Variants in GLI2 observed in about 807,000 individuals in gnomAD.
GLI2 encodes the protein transcription activator GLI2.
A neutral mutation model predicts 78.9 loss-of-function variants in GLI2; 22 were observed. The ratio of observed to expected loss-of-function variants is 0.28; its 90% CI spans 0.20 to 0.40. The LOEUF is 0.40. Among genes scored for constraint, GLI2 ranks in the 10% least tolerant of loss-of-function variants. GLI2 has a pLI of 1.00. For synonymous variants in GLI2, 974 were observed against 963.7 expected, an observed-to-expected ratio of 1.01 and a Z score of -0.20; for missense variants, 2,097 against 2,213.2, an observed-to-expected ratio of 0.95 and a Z score of 1.05.
At chr2:120,867,691 G>A (rs996826933) in intron 2 of GLI2, among the ~76,000 whole-genome samples, 8 of 152,258 alleles carry the variant, frequency 5.3e-5, no homozygotes, top group African/African-American at 1.2e-4. Context: ...CTGGCCTGCA[G>A]CGCCCTTCTC....
chr2:120,830,646 A>G (rs974000990), intron 2 of GLI2, among the ~76,000 whole-genome samples: 1 of 152,152 alleles, frequency 6.6e-6, no homozygotes, highest in Non-Finnish European at 1.5e-5. Flanking sequence ...CCAGCAGGGC[A>G]GGGGAGGGCA....
chr2:120,989,649 C>A lies in GLI2; in HGVS notation c.3684C>A (p.Ala1228=). 1 of 1,613,426 alleles carries A rather than the reference C, an allele frequency of 6.2e-7. No individual in the cohort carries two copies. Residue 1228 remains alanine, a synonymous_variant, in exon 14 of 14, where the codon GCC becomes GCA. Transcript: ENST00000361492. The part of the protein sequence containing the change: ...PGMTTTMSPH[A]CYGQVHPQLS... ...TGACTACCACTATGAGCCCCCATGCCTGCTATGGCCAAGTCCACCCCCAGC... is the reference window on the plus strand; with the variant it reads ...TGACTACCACTATGAGCCCCCATGCATGCTATGGCCAAGTCCACCCCCAGC...
chr2:120,815,665 G>C (rs1223026259), intron 2 of GLI2, among the ~76,000 whole-genome samples: 1 of 152,218 alleles, frequency 6.6e-6, no homozygotes, highest in Non-Finnish European at 1.5e-5. Context: ...ACCCCTGGGA[G>C]GGCTACCCAA....
At chr2:120,916,221 T>C (rs916029746) in intron 2 of GLI2, among the ~76,000 whole-genome samples, 1 of 152,194 alleles carries the variant, frequency 6.6e-6, no homozygotes, top group Admixed American at 6.5e-5. Flanking sequence ...ATCATGTACC[T>C]CTTACTATGT....
At position 120,737,995 on chromosome 2, in the gene GLI2, T is replaced by C. The variant is rs1682420243; in HGVS notation, c.-31+1710T>C. Among the ~76,000 whole-genome samples the C allele has an allele frequency of 6.6e-6, 1 of 152,168 alleles. No individual in the cohort carries two copies. Among genetic ancestry groups the C allele is most frequent in the Admixed American group, 6.5e-5 (1 of 15,278 alleles). On this transcript the variant is annotated intron_variant, in intron 1 of 13. Transcript: ENST00000361492. This position sits in a 1 kb window ranked among gnomAD's most constrained non-coding sequence, Gnocchi z 4.3. ...GCCCATTTCCTTACCTTGCTGGGAG[T>C]TCCCTTGGCTGGGTTTCCCTGTGTC... is the stretch of plus-strand genomic sequence containing the variant.
At chr2:120,950,242 C>T (rs781346940) in intron 3 of GLI2, among the ~76,000 whole-genome samples, 1 of 152,242 alleles carries the variant, frequency 6.6e-6, no homozygotes, top group Non-Finnish European at 1.5e-5. Context: ...CTGATTCTAA[C>T]ACACTCTCTT....
At chr2:120,873,681 A>G (rs1462555768) in intron 2 of GLI2, among the ~76,000 whole-genome samples, 1 of 152,190 alleles carries the variant, frequency 6.6e-6, no homozygotes, top group Non-Finnish European at 1.5e-5. Flanking sequence ...TTGAATGCCT[A>G]CAGAATGTTT....
chr2:120,810,366 G>A (rs1685179598), intron 2 of GLI2, among the ~76,000 whole-genome samples: 1 of 152,244 alleles, frequency 6.6e-6, no homozygotes, highest in Non-Finnish European at 1.5e-5. Context: ...CCTCGGAAGT[G>A]GCAGCGTTCA....
At position 120,848,574 on chromosome 2, in the gene GLI2, G is replaced by C. The variant is rs575986029; in HGVS notation, c.148+51106G>C. On this transcript the variant is annotated intron_variant, in intron 2 of 13. Coordinates refer to ENST00000361492, the MANE Select transcript of GLI2 (RefSeq NM_001374353.1). ...TTGGCAACTTTTGCAGAAGGCGCTG[G>C]CAGGAAGGAGACCCTGGGGAGGGAA... is the stretch of plus-strand genomic sequence containing the variant. 3.3e-5 allele frequency among the ~76,000 whole-genome samples: 5 copies of C among 152,326 alleles called. No homozygotes were observed. The South Asian group carries it at 8.3e-4, about 25-fold the overall frequency.
intron 3 of GLI2, among the ~76,000 whole-genome samples, chr2:120,934,094 G>A (rs1011134078): frequency 4.6e-5 from 7 of 152,150 alleles, no homozygotes; most frequent in South Asian, 2.1e-4. Context: ...ATTTACAGGC[G>A]CCCATAGGCC....
At chr2:120,898,759 G>C (rs1030495002) in intron 2 of GLI2, among the ~76,000 whole-genome samples, 1 of 152,100 alleles carries the variant, frequency 6.6e-6, no homozygotes, top group African/African-American at 2.4e-5. Flanking sequence ...TTCTCAGATA[G>C]AGAAAATAGA....
intron 1 of GLI2, among the ~76,000 whole-genome samples, chr2:120,773,405 C>T (rs1035441424): frequency 6.6e-6 from 1 of 152,122 alleles, no homozygotes; most frequent in East Asian, 1.9e-4. Flanking sequence ...GGCATCCTGT[C>T]ACCCGCGGTG....
chr2:120,750,583 T>A (rs1682835383), intron 1 of GLI2, among the ~76,000 whole-genome samples: 1 of 152,188 alleles, frequency 6.6e-6, no homozygotes, highest in Non-Finnish European at 1.5e-5. Context: ...TACATCTTGG[T>A]TGTTATTATT....
chr2:120,806,445 G>A (rs997545377), intron 2 of GLI2, among the ~76,000 whole-genome samples: 2 of 152,134 alleles, frequency 1.3e-5, no homozygotes, highest in African/African-American at 2.4e-5. Flanking sequence ...AGGGCTTCAC[G>A]GGGGAGGCAG....
chr2:120,780,258 A>G (rs1399261226), intron 1 of GLI2, among the ~76,000 whole-genome samples: 1 of 152,196 alleles, frequency 6.6e-6, no homozygotes, highest in East Asian at 1.9e-4. Context: ...CCAGATGAGC[A>G]GATGTCTTGA....
In GLI2 at chr2:120,927,563, T is replaced by C; in HGVS notation, c.254+97T>C. The C allele has an allele frequency of 1.3e-5, 11 of 827,330 alleles. 1 individual carries two copies. The highest frequency in any genetic ancestry group is 9.3e-5 in the South Asian group (7 of 75,234). 51.2% of individuals were successfully genotyped at this position (827,330 alleles called of 1,614,324 possible). ...CAGCCACATCTCCTGCCTCTGTCTT[T>C]CTTTTGGGGGTTCCTGATCTACATT... On this transcript the variant is annotated intron_variant, in intron 3 of 13. Transcript: ENST00000361492.
intron 5 of GLI2, among the ~76,000 whole-genome samples, chr2:120,959,040 G>A (rs1457784745): frequency 6.6e-6 from 1 of 152,244 alleles, no homozygotes; most frequent in Non-Finnish European, 1.5e-5. Flanking sequence ...GAGGAATGTA[G>A]CTGTTGGCTC....
chr2:120,793,664 G>A (rs1181518008), intron 1 of GLI2, among the ~76,000 whole-genome samples: 1 of 152,190 alleles, frequency 6.6e-6, no homozygotes, highest in African/African-American at 2.4e-5. Flanking sequence ...GCACTGCCTG[G>A]AATCCCCCCG....
At position 120,964,924 on chromosome 2, in the gene GLI2, T is replaced by G. The variant is rs1043885598; in HGVS notation, c.644-3790T>G. On this transcript the variant is annotated intron_variant, in intron 5 of 13. Transcript: ENST00000361492. ...TGGACCTGGGTTCAAATCCTGCCTC[T>G]GTAGCTCTGTGACCTTGAGCAAGTC... Among the ~76,000 whole-genome samples, 13 of 152,384 alleles carry G rather than the reference T, an allele frequency of 8.5e-5. No individual in the cohort carries two copies. The East Asian group carries it at 2.5e-3, about 29-fold the overall frequency.
Sources: allele counts gnomAD v4.1 joint callset (sites outside exome capture counted in the v4.1 genomes callset), GRCh38; gene constraint gnomAD v4.1.1; non-coding constraint Gnocchi (gnomAD v3.1); transcripts MANE v1.5; gene names NCBI Gene and HGNC (gene_info 2026-07-23, HGNC 2026-07-21).